Variants in GNL2 observed in about 807,000 individuals in gnomAD.
GNL2 encodes the protein G protein nucleolar 2.
GNL2 carries 51 observed loss-of-function variants against 92.3 expected under a neutral mutation model. The ratio of observed to expected loss-of-function variants is 0.55; its 90% confidence interval spans 0.44 to 0.70. The LOEUF (loss-of-function observed/expected upper bound fraction) is 0.70. Among genes scored for constraint, GNL2 ranks in the 30% least tolerant of loss-of-function variants. GNL2 has a pLI of 0.00. For synonymous variants in GNL2, 283 were observed against 300.6 expected (o/e 0.94, Z 0.61); for missense variants, 844 against 895.6 (o/e 0.94, Z 0.74).
intron 6 of GNL2, among the ~76,000 whole-genome samples, chr1:37,583,581 G>C (rs570488622): frequency 3.5e-4 from 53 of 152,282 alleles, no homozygotes. Flanking sequence ...CTTTAACTAG[G>C]CATGATAAAT....
chr1:37,578,328 A>G (rs1643710023), intron 8 of GNL2, among the ~76,000 whole-genome samples: 2 of 151,940 alleles, frequency 1.3e-5, no homozygotes, highest in Admixed American at 1.3e-4. Context: ...ACTCCCAGCT[A>G]CTTGGGAGGC....
intron 3 of GNL2, 25 bp from the exon 4 acceptor site, chr1:37,590,870 C>T: frequency 2.6e-6 from 4 of 1,527,742 alleles, no homozygotes; most frequent in Non-Finnish European, 3.5e-6. Context: ...AAGAATGTTG[C>T]CACTTAGTTA....
intron 8 of GNL2, chr1:37,581,238 G>A: frequency 2.5e-6 from 1 of 399,932 alleles, no homozygotes; most frequent in Non-Finnish European, 5.0e-6. Flanking sequence ...GCTATTGGAA[G>A]CATTTGCTTC....
intron 8 of GNL2, among the ~76,000 whole-genome samples, chr1:37,580,231 T>G (rs1217320811): frequency 6.6e-6 from 1 of 151,990 alleles, no homozygotes; most frequent in Non-Finnish European, 1.5e-5. Flanking sequence ...CCTAGGAGTT[T>G]GAGGTTACAG....
At chr1:37,567,313 C>A (rs1643520428) in intron 15 of GNL2, among the ~76,000 whole-genome samples, 1 of 152,216 alleles carries the variant, frequency 6.6e-6, no homozygotes, top group Non-Finnish European at 1.5e-5. Flanking sequence ...CCACTCCCCT[C>A]CCCAGAGGGC....
chr1:37,583,968 G>A (rs760267904), intron 5 of GNL2, 35 bp from the exon 6 acceptor site: 1 of 1,138,456 alleles, frequency 8.8e-7, no homozygotes, highest in Non-Finnish European at 1.3e-6. Flanking sequence ...AGCAACTGAA[G>A]CACCATCAAG....
intron 12 of GNL2, among the ~76,000 whole-genome samples, chr1:37,571,925 A>C (rs1643600217): frequency 6.6e-6 from 1 of 152,022 alleles, no homozygotes; most frequent in Admixed American, 6.6e-5. Context: ...GCTTCCCACC[A>C]TGACACCCTC....
intron 12 of GNL2, among the ~76,000 whole-genome samples, chr1:37,572,089 C>G (rs1014818453): frequency 1.3e-5 from 2 of 152,144 alleles, no homozygotes; most frequent in Non-Finnish European, 2.9e-5. Context: ...ATTAAGGGCT[C>G]TGCTGAAGTG....
At chr1:37,580,910 C>T (rs1020844185) in intron 8 of GNL2, among the ~76,000 whole-genome samples, 2 of 152,166 alleles carry the variant, frequency 1.3e-5, no homozygotes, top group Non-Finnish European at 2.9e-5. Flanking sequence ...GACTGAATGG[C>T]CAAGACTACT....
In GNL2 at chr1:37,568,923, G is replaced by A; in HGVS notation, c.1796C>T (p.Ala599Val). 1 of 1,614,148 alleles carries A rather than the reference G, an allele frequency of 6.2e-7. No individual in the cohort carries two copies. Among genetic ancestry groups the A allele is most frequent in the Non-Finnish European group, 8.5e-7 (1 of 1,180,012 alleles). The change falls in exon 13 of 16, where the codon GCA (alanine) becomes GTA (valine). Residue 599 changes from alanine to valine, a missense_variant. Transcript: ENST00000373062. ...ATATTTGGCAATCTTCTCATCCAGT[G>A]CTTTAATAACGGCTTTGGTGTCGTT... ...VGNDTKAVIKALDEKIAKYQK... is the reference protein window; with the variant it reads ...VGNDTKAVIKVLDEKIAKYQK...
chr1:37,582,720 CA>C, intron 7 of GNL2, 57 bp downstream of exon 7: 1 of 1,382,812 alleles, frequency 7.2e-7, no homozygotes, highest in Non-Finnish European at 1.0e-6. Flanking sequence ...AAAAGCCCTA[CA>C]ACTGACTTAC....
intron 1 of GNL2, chr1:37,594,125 G>T: frequency 2.7e-6 from 1 of 364,048 alleles, no homozygotes; most frequent in South Asian, 4.2e-5. Flanking sequence ...CCAAATTATA[G>T]GCATCATCTG....
Position 37,574,468 on chromosome 1 carries a change from C to T in GNL2, c.1303-12G>A. On this transcript the variant is annotated splice_polypyrimidine_tract_variant and intron_variant, in intron 11 of 15. Coordinates refer to ENST00000373062, the MANE Select transcript of GNL2 (RefSeq NM_013285.3). Reference sequence around the variant, plus strand: ...TCGGGCTCTCCACCCTGAAAGGTCACAAAGAGATTCCCAATTAAATTCAAA... The same window carrying T: ...TCGGGCTCTCCACCCTGAAAGGTCATAAAGAGATTCCCAATTAAATTCAAA... 6.2e-7 allele frequency: 1 copy of T among 1,600,702 alleles called. No individual in the cohort carries two copies. The highest frequency in any genetic ancestry group is 8.6e-7 in the Non-Finnish European group (1 of 1,168,132).
Position 37,574,808 on chromosome 1 carries a change from T to C in GNL2, c.1159A>G (p.Ile387Val), listed in dbSNP as rs1454898708. 10 of 1,609,978 alleles carry C rather than the reference T, an allele frequency of 6.2e-6. No individual in the cohort carries two copies. In the Admixed American group the frequency reaches 1.3e-4, roughly 22 times the overall value. Residue 387 changes from isoleucine (I) to valine (V), a missense_variant, in exon 11 of 16, where the codon ATT (isoleucine) becomes GTT (valine). Physicochemically the swap from Ile to Val is conservative, Grantham distance 29 (BLOSUM62 3). Coordinates refer to ENST00000373062, the MANE Select transcript of GNL2 (RefSeq NM_013285.3). ...CCAATGTGGTCTTCAGGACTCTTAA[T>C]TTTTTCTACTTGAACCTAAATGTTA... The part of the protein sequence containing the change: ...VLKGVVQVEK[I>V]KSPEDHIGAV...
intron 1 of GNL2, chr1:37,594,142 T>A: frequency 9.2e-6 from 3 of 326,030 alleles, no homozygotes; most frequent in Non-Finnish European, 1.7e-5. Flanking sequence ...TCTGATTTAA[T>A]CTATACAATA....
chr1:37,591,144 C>A (rs999441532), intron 3 of GNL2, among the ~76,000 whole-genome samples: 2 of 152,226 alleles, frequency 1.3e-5, no homozygotes, highest in Admixed American at 1.3e-4. Flanking sequence ...GAACTGAGAT[C>A]TGTCAAATGT....
intron 2 of GNL2, 100 bp from the exon 3 acceptor site, chr1:37,592,906 T>A (rs539685698): frequency 1.4e-6 from 1 of 727,548 alleles, no homozygotes; most frequent in Non-Finnish European, 2.5e-6. Context: ...ACTTCTTACT[T>A]TGGTTTTAAA....
Position 37,574,646 on chromosome 1 carries a change from C to T in GNL2, c.1302+19G>A. On this transcript the variant is annotated intron_variant, in intron 11 of 15. Coordinates refer to ENST00000373062, the MANE Select transcript of GNL2 (RefSeq NM_013285.3). ...CTTGTGACAAGTATCAGTCTAAATTCTCACAAACGCCGGGTCACCTTTAGT... is the reference window on the plus strand; with the variant it reads ...CTTGTGACAAGTATCAGTCTAAATTTTCACAAACGCCGGGTCACCTTTAGT... 1.2e-6 allele frequency: 2 copies of T among 1,611,392 alleles called. No individual in the cohort carries two copies. The highest frequency in any genetic ancestry group is 1.1e-5 in the South Asian group (1 of 90,940).
At chr1:37,571,297 C>T (rs1244848790) in intron 12 of GNL2, among the ~76,000 whole-genome samples, 2 of 152,166 alleles carry the variant, frequency 1.3e-5, no homozygotes, top group South Asian at 2.1e-4. Flanking sequence ...ATTTGCATCC[C>T]CACTGTCCCT....
Sources: allele counts gnomAD v4.1 joint callset (sites outside exome capture counted in the v4.1 genomes callset), GRCh38; gene constraint gnomAD v4.1.1; transcripts MANE v1.5; gene names NCBI Gene and HGNC (gene_info 2026-07-23, HGNC 2026-07-21).